Variants in AKAP7 observed in about 807,000 individuals in gnomAD.
AKAP7 encodes the protein A kinase (PRKA) anchor protein 7.
Under a neutral mutation model 39.5 loss-of-function variants are expected in AKAP7, and 39 were observed. That is an observed-to-expected ratio of 0.99 (90% CI 0.76 to 1.29). The LOEUF is 1.29. Ranked by LOEUF, AKAP7 falls within the 50% of genes most tolerant of loss-of-function variation. The pLI is 0.00. For missense variants in AKAP7, 414 were observed against 407.7 expected, an observed-to-expected ratio of 1.02 and a Z score of -0.13; for synonymous variants, 140 against 139.1, an observed-to-expected ratio of 1.01 and a Z score of -0.05.
chr6:131,198,300 GATTA>G (rs1424559086), intron 5 of AKAP7, among the ~76,000 whole-genome samples: 2 of 152,072 alleles, frequency 1.3e-5, no homozygotes, highest in South Asian at 4.1e-4. Flanking sequence ...AGTAACTTTT[GATTA>G]ATTGATTTAT....
chr6:131,240,715 G>A (rs1811473507), intron 7 of AKAP7, among the ~76,000 whole-genome samples: 1 of 152,230 alleles, frequency 6.6e-6, no homozygotes, highest in Non-Finnish European at 1.5e-5. Context: ...CCAGGCGCAG[G>A]ATATAATCTC....
At chr6:131,219,475 T>C (rs1208145906) in intron 6 of AKAP7, among the ~76,000 whole-genome samples, 186 bp from the exon 7 acceptor site, 1 of 152,088 alleles carries the variant, frequency 6.6e-6, no homozygotes, top group Non-Finnish European at 1.5e-5. Flanking sequence ...TACAACTCCT[T>C]CTAGGTAGGG....
At position 131,169,189 on chromosome 6, in the gene AKAP7, C is replaced by A; in HGVS notation, c.505C>A (p.Gln169Lys). The stretch of plus-strand genomic sequence containing the variant: ...GGGAAAACATTTGACTTTGCCCTTT[C>A]AAGGGATTGGTACTTTTGGAAATCA... Reference protein sequence around the residue: ...LQGKHLTLPFQGIGTFGNQVG... With the variant: ...LQGKHLTLPFKGIGTFGNQVG... Residue 169 changes from glutamine (Q) to lysine (K), a missense_variant, in exon 5 of 8, where the codon CAA becomes AAA. Transcript: ENST00000431975. 1 of 1,613,998 alleles carries A rather than the reference C, an allele frequency of 6.2e-7. No individual in the cohort carries two copies.
At chr6:131,125,725 C>T in the AKAP7 span, among the ~76,000 whole-genome samples, 1 of 152,156 alleles carries the variant, frequency 6.6e-6, no homozygotes, top group Admixed American at 6.5e-5. Flanking sequence ...TGTAACCACA[C>T]CACCAGCAGG....
chr6:131,260,216 T>C (rs1248932796), intron 7 of AKAP7, among the ~76,000 whole-genome samples: 1 of 152,230 alleles, frequency 6.6e-6, no homozygotes, highest in East Asian at 1.9e-4. Flanking sequence ...GATGGGCATT[T>C]GGGTTGATTC....
At chr6:131,278,964 CAG>C (rs1562262015) in intron 7 of AKAP7, among the ~76,000 whole-genome samples, 1 of 152,130 alleles carries the variant, frequency 6.6e-6, no homozygotes, top group Non-Finnish European at 1.5e-5. Context: ...TGGAAGCTGA[CAG>C]TGGAGGTGTG....
intron 2 of AKAP7, among the ~76,000 whole-genome samples, chr6:131,159,812 C>T (rs1802780973): frequency 6.6e-6 from 1 of 152,308 alleles, no homozygotes; most frequent in Non-Finnish European, 1.5e-5. Context: ...AGCAGGAACA[C>T]AACTGTACCC....
At chr6:131,229,313 G>C (rs1271165012) in intron 7 of AKAP7, among the ~76,000 whole-genome samples, 2 of 152,136 alleles carry the variant, frequency 1.3e-5, no homozygotes, top group East Asian at 3.8e-4. Context: ...AGAGCACACA[G>C]TAGGATAATG....
chr6:131,160,285 A>G, intron 3 of AKAP7, 87 bp downstream of exon 3: 1 of 1,348,602 alleles, frequency 7.4e-7, no homozygotes, highest in Non-Finnish European at 1.0e-6. Context: ...ACTTGCTCTT[A>G]GCTTTTAAGA....
chr6:131,254,598 A>G (rs2128321676), intron 7 of AKAP7, among the ~76,000 whole-genome samples: 1 of 152,360 alleles, frequency 6.6e-6, no homozygotes, highest in African/African-American at 2.4e-5. Context: ...AATGGTAAAG[A>G]TGAACTGACC....
chr6:131,182,522 C>T (rs1805366581), intron 5 of AKAP7, among the ~76,000 whole-genome samples: 1 of 152,174 alleles, frequency 6.6e-6, no homozygotes, highest in Non-Finnish European at 1.5e-5. Flanking sequence ...GGTATATGTA[C>T]ATACCACATT....
chr6:131,205,812 A>G (rs1020728794), intron 6 of AKAP7, among the ~76,000 whole-genome samples: 4 of 152,188 alleles, frequency 2.6e-5, no homozygotes, highest in African/African-American at 9.6e-5. Flanking sequence ...AATCATTATC[A>G]TTGTATTCTG....
At chr6:131,207,715 C>A (rs1470936328) in intron 6 of AKAP7, among the ~76,000 whole-genome samples, 2 of 151,660 alleles carry the variant, frequency 1.3e-5, no homozygotes, top group Non-Finnish European at 2.9e-5. Context: ...GTGGTAGAGG[C>A]CCTCCTGACC....
chr6:131,217,525 C>T (rs143646945), intron 6 of AKAP7, among the ~76,000 whole-genome samples: 8 of 152,162 alleles, frequency 5.3e-5, no homozygotes, highest in Admixed American at 1.3e-4. Context: ...CATATAATTT[C>T]GGTGCCTTCA....
chr6:131,222,981 A>G (rs1279315075), intron 7 of AKAP7, among the ~76,000 whole-genome samples: 1 of 152,232 alleles, frequency 6.6e-6, no homozygotes, highest in African/African-American at 2.4e-5. Context: ...AACCATCAAC[A>G]TCAACAGACA....
intron 7 of AKAP7, among the ~76,000 whole-genome samples, chr6:131,261,139 T>A (rs1392018617): frequency 6.7e-6 from 1 of 149,894 alleles, no homozygotes; most frequent in Non-Finnish European, 1.5e-5. Context: ...GAGGTTGCAG[T>A]GAGCTGAGAT....
intron 7 of AKAP7, among the ~76,000 whole-genome samples, chr6:131,236,323 C>T (rs9492874): frequency 0.36 from 54,349 of 151,528 alleles, 10,671 homozygotes; most frequent in Middle Eastern, 0.48. Flanking sequence ...TAGTATAGTT[C>T]GAAGTCAGGT....
In AKAP7 at chr6:131,282,086, C is replaced by T. The variant is rs2128341931; in HGVS notation, c.*360C>T. The T allele has an allele frequency of 8.8e-7, 1 of 1,141,786 alleles. No individual in the cohort carries two copies. The highest frequency in any genetic ancestry group is 3.7e-5 in the South Asian group (1 of 27,062). The allele number at this position is 1,141,786 out of a possible 1,614,324, so 70.7% of individuals were successfully genotyped here. A position where few individuals can be genotyped will look rare whatever the true frequency, so the allele number is the denominator to read the frequency against. ...CTGCCATTTATATTGCTTAGCAGGGCATTTGACTACTTTATCTGAGGCCAG... is the reference window on the plus strand; with the variant it reads ...CTGCCATTTATATTGCTTAGCAGGGTATTTGACTACTTTATCTGAGGCCAG... On this transcript the variant is annotated 3_prime_UTR_variant, in exon 8 of 8. Transcript: ENST00000431975.
intron 4 of AKAP7, 108 bp from the exon 5 acceptor site, chr6:131,169,005 G>A (rs562180676): frequency 1.3e-5 from 13 of 994,234 alleles, no homozygotes; most frequent in Non-Finnish European, 1.7e-5. Flanking sequence ...AAAATAATTA[G>A]TACAAATATC....
Sources: allele counts gnomAD v4.1 joint callset (sites outside exome capture counted in the v4.1 genomes callset), GRCh38; gene constraint gnomAD v4.1.1; transcripts MANE v1.5; gene names NCBI Gene and HGNC (gene_info 2026-07-23, HGNC 2026-07-21).